The following CNTNAP2 variants were observed in gnomAD, a reference collection of about 807,000 sequenced individuals.
CNTNAP2 encodes the protein contactin associated protein 2.
A neutral mutation model predicts 155.2 loss-of-function variants in CNTNAP2; 98 were observed. The ratio of observed to expected loss-of-function variants is 0.63; its 90% CI spans 0.54 to 0.75. The LOEUF is 0.75. CNTNAP2 is among the 30% of genes least tolerant of loss of function. The pLI is 0.00. For missense variants in CNTNAP2, 1,727 were observed against 1,688.1 expected, an observed-to-expected ratio of 1.02 and a Z score of -0.40; for synonymous variants, 651 against 631.2, an observed-to-expected ratio of 1.03 and a Z score of -0.47.
chr7:148,013,673 A>C (rs10264997), intron 15 of CNTNAP2, among the ~76,000 whole-genome samples: 1 of 151,960 alleles, frequency 6.6e-6, no homozygotes, highest in Non-Finnish European at 1.5e-5. Flanking sequence ...TCCCCTGATC[A>C]CCTTAGCCTA....
intron 3 of CNTNAP2, among the ~76,000 whole-genome samples, chr7:146,879,631 G>A (rs183580865): frequency 6.6e-6 from 1 of 152,170 alleles, no homozygotes; most frequent in Admixed American, 6.6e-5. Context: ...CAAGTAATTT[G>A]TCTGACAAAT....
intron 15 of CNTNAP2, among the ~76,000 whole-genome samples, chr7:148,109,247 T>G (rs911797993): frequency 6.6e-6 from 1 of 152,228 alleles, no homozygotes; most frequent in Non-Finnish European, 1.5e-5. Flanking sequence ...TACCATACCC[T>G]ATAAAAGAGG....
Position 146,598,049 on chromosome 7 carries a change from C to T in CNTNAP2, c.98-176222C>T, listed in dbSNP as rs189688027. On this transcript the variant is annotated intron_variant, in intron 1 of 23. Transcript: ENST00000361727. ...TCACACTCACTTGGATAAACCTCAG[C>T]TCACACCAAATCCAGTCCCTGCCTA... 2.9e-3 allele frequency among the ~76,000 whole-genome samples: 443 copies of T among 152,160 alleles called. 13 individuals are homozygous for T. The highest frequency in any genetic ancestry group is 0.029 in the Admixed American group (436 of 15,276).
At chr7:146,390,972 C>G (rs1333965089) in intron 1 of CNTNAP2, among the ~76,000 whole-genome samples, 1 of 149,012 alleles carries the variant, frequency 6.7e-6, no homozygotes. Flanking sequence ...GAGGCTGAGG[C>G]AGGAGAATTG....
chr7:146,537,925 G>A (rs1306414094), intron 1 of CNTNAP2, among the ~76,000 whole-genome samples: 3 of 152,074 alleles, frequency 2.0e-5, no homozygotes, highest in Non-Finnish European at 4.4e-5. Flanking sequence ...AATTTTGGCT[G>A]TCATGTGATT....
intron 11 of CNTNAP2, among the ~76,000 whole-genome samples, chr7:147,502,838 AAAAG>A (rs1431836284): frequency 2.0e-5 from 3 of 152,086 alleles, no homozygotes; most frequent in African/African-American, 7.2e-5. Context: ...TGAAATTAAA[AAAAG>A]AAAGTAGCAG....
rs550296502 is a variant in CNTNAP2 at position 147,517,120 on chromosome 7, A to G, written c.1777+31079A>G. ...CCTGACCTCAAGTGATCTTCCCTCC[A>G]TGACCTCCCAAGGTACTAGGATTAC... On this transcript the variant is annotated intron_variant, in intron 11 of 23. Coordinates refer to ENST00000361727, the MANE Select transcript of CNTNAP2 (RefSeq NM_014141.6). 2.8e-3 allele frequency among the ~76,000 whole-genome samples: 423 copies of G among 151,554 alleles called. 1 individual carries two copies. Among genetic ancestry groups the G allele is most frequent in the African/African-American group, 9.3e-3 (386 of 41,288 alleles).
intron 3 of CNTNAP2, among the ~76,000 whole-genome samples, chr7:147,014,274 GT>G (rs1225201975): frequency 2.5e-4 from 38 of 151,990 alleles, no homozygotes; most frequent in Middle Eastern, 3.4e-3. Flanking sequence ...TTTTTCATAG[GT>G]TTTTTTCTAA....
At chr7:146,536,806 A>G (rs765444389) in intron 1 of CNTNAP2, among the ~76,000 whole-genome samples, 4 of 152,144 alleles carry the variant, frequency 2.6e-5, no homozygotes, top group Non-Finnish European at 5.9e-5. Context: ...AACGTACCAC[A>G]GATAATATAT....
chr7:146,921,234 A>T (rs1796491633), intron 3 of CNTNAP2, among the ~76,000 whole-genome samples: 1 of 152,176 alleles, frequency 6.6e-6, no homozygotes, highest in Non-Finnish European at 1.5e-5. Flanking sequence ...GTTTCTCAAA[A>T]CTTGCAGAAT....
At chr7:147,698,330 T>C (rs1356563641) in intron 13 of CNTNAP2, among the ~76,000 whole-genome samples, 1 of 152,206 alleles carries the variant, frequency 6.6e-6, no homozygotes, top group Non-Finnish European at 1.5e-5. Flanking sequence ...CCTGAAAATT[T>C]AACAGTTGCC....
intron 20 of CNTNAP2, among the ~76,000 whole-genome samples, chr7:148,264,464 G>A (rs1419351036): frequency 1.3e-5 from 2 of 151,694 alleles, no homozygotes; most frequent in African/African-American, 2.4e-5. Context: ...GACACAGAGC[G>A]ACATTCATAA....
chr7:146,567,025 C>T (rs952372408), intron 1 of CNTNAP2, among the ~76,000 whole-genome samples: 1 of 152,062 alleles, frequency 6.6e-6, no homozygotes, highest in African/African-American at 2.4e-5. Context: ...TAGACAGCAA[C>T]CTTAGTTATT....
intron 12 of CNTNAP2, among the ~76,000 whole-genome samples, chr7:147,629,624 G>T (rs981743017): frequency 1.3e-5 from 2 of 151,690 alleles, no homozygotes; most frequent in African/African-American, 4.8e-5. Flanking sequence ...AAGTATATCA[G>T]GTATTCTCTC....
At chr7:146,790,979 G>GT (rs1285742343) in intron 2 of CNTNAP2, among the ~76,000 whole-genome samples, 1 of 150,968 alleles carries the variant, frequency 6.6e-6, no homozygotes, top group Non-Finnish European at 1.5e-5. Context: ...GTGCAGGTTT[G>GT]TTACACAGGT....
chr7:148,372,915 T>C (rs1384317042), intron 21 of CNTNAP2, among the ~76,000 whole-genome samples: 1 of 152,188 alleles, frequency 6.6e-6, no homozygotes, highest in Non-Finnish European at 1.5e-5. Context: ...AAAAATTTGT[T>C]TTTAACTTTT....
rs78562291 is a variant in CNTNAP2, at chr7:146,312,807, G to A, written c.97+195834G>A. On this transcript the variant is annotated intron_variant, in intron 1 of 23. Coordinates refer to ENST00000361727, the MANE Select transcript of CNTNAP2 (RefSeq NM_014141.6). ...GTCCATATATAAGTGAGATCATACC[G>A]TATTTGTCTTTCTGTGTTTAGCTTA... Among the ~76,000 whole-genome samples, 113 of 152,184 alleles carry A rather than the reference G, an allele frequency of 7.4e-4. 3 individuals carry two copies. In the East Asian group the frequency reaches 0.02, roughly 27 times the overall value.
At chr7:146,896,426 C>A (rs1403242350) in intron 3 of CNTNAP2, among the ~76,000 whole-genome samples, 5 of 151,876 alleles carry the variant, frequency 3.3e-5, no homozygotes, top group African/African-American at 1.2e-4. Flanking sequence ...TTTTCTGTTC[C>A]CCGTAGTATC....
At position 147,662,165 on chromosome 7, in the gene CNTNAP2, C is replaced by T. The variant is rs55859712; in HGVS notation, c.2098+22859C>T. ...TATTAATCAAAAACACAAACCCTCCCGATCTGACATAATGTAGATGCAACA... is the reference window on the plus strand; with the variant it reads ...TATTAATCAAAAACACAAACCCTCCTGATCTGACATAATGTAGATGCAACA... On this transcript the variant is annotated intron_variant, in intron 13 of 23. Coordinates refer to ENST00000361727, the MANE Select transcript of CNTNAP2 (RefSeq NM_014141.6). Among the ~76,000 whole-genome samples, 302 of 152,236 alleles carry T rather than the reference C, an allele frequency of 2.0e-3. 5 individuals carry two copies. The East Asian group carries it at 0.046, about 23-fold the overall frequency.
Sources: gnomAD v4.1 joint callset for allele counts (sites outside exome capture counted in the v4.1 genomes callset) on GRCh38, gnomAD v4.1.1 for gene constraint, MANE v1.5 for transcripts, NCBI Gene and HGNC (gene_info 2026-07-23, HGNC 2026-07-21) for gene names.